Variants in ANKRD30B observed in about 807,000 individuals in gnomAD.
The protein encoded by ANKRD30B is ankyrin repeat domain-containing protein 30B.
A neutral mutation model predicts 202.2 loss-of-function variants in ANKRD30B; 144 were observed. The ratio of observed to expected loss-of-function variants is 0.71; its 90% confidence interval spans 0.62 to 0.82. The LOEUF (loss-of-function observed/expected upper bound fraction) is 0.82. Ranked by LOEUF, ANKRD30B falls within the 40% of genes least tolerant of loss-of-function variation. The pLI, the probability that ANKRD30B is intolerant of heterozygous loss-of-function variation, is 0.00. For synonymous variants in ANKRD30B, 508 were observed against 561.3 expected (o/e 0.91, Z 1.34); for missense variants, 1,487 against 1,669.1 (o/e 0.89, Z 1.90).
chr18:14,756,201 T>C (rs1186277551), intron 4 of ANKRD30B, among the ~76,000 whole-genome samples: 1 of 152,246 alleles, frequency 6.6e-6, no homozygotes. Flanking sequence ...ATAAATGTCT[T>C]CTTTTGAGAA....
At chr18:14,810,363 A>C (rs2144057918) in intron 28 of ANKRD30B, among the ~76,000 whole-genome samples, 183 bp downstream of exon 28, 1 of 151,454 alleles carries the variant, frequency 6.6e-6, no homozygotes, top group African/African-American at 2.4e-5. Context: ...AGAATTAGGG[A>C]TTTAGAAAAA....
chr18:14,759,901 A>G (rs1380113948), intron 5 of ANKRD30B, among the ~76,000 whole-genome samples: 1 of 151,986 alleles, frequency 6.6e-6, no homozygotes, highest in African/African-American at 2.4e-5. Context: ...CACTTTTTTT[A>G]AAAAAATTAA....
At chr18:14,796,311 G>A (rs746298838) in intron 17 of ANKRD30B, 32 bp from the exon 18 acceptor site, 4 of 1,608,508 alleles carry the variant, frequency 2.5e-6, no homozygotes, top group South Asian at 2.2e-5. Flanking sequence ...CATATATTAT[G>A]TATTAATTTT....
intron 3 of ANKRD30B, 137 bp from the exon 4 acceptor site, chr18:14,754,762 A>G (rs1914060533): frequency 1.8e-6 from 1 of 542,174 alleles, no homozygotes; most frequent in Non-Finnish European, 3.0e-6. Context: ...GAAAAAGGAG[A>G]AAGAAGGGAC....
chr18:14,825,417 T>C (rs547124546), intron 32 of ANKRD30B, among the ~76,000 whole-genome samples: 57 of 152,258 alleles, frequency 3.7e-4, no homozygotes, highest in African/African-American at 1.3e-3. Context: ...TAAACATCAC[T>C]AGAGGGTAAT....
At position 14,852,418 on chromosome 18, in the gene ANKRD30B, G is replaced by A; in HGVS notation, c.4474G>A (p.Glu1492Lys). The part of the protein sequence containing the change: ...DQYEKEKAER[E>K]VIVRQLQKKL... Reference sequence around the variant, plus strand: ...ATATGAAAAAGAGAAAGCAGAAAGAGAAGTAAGTATCAAAAAATATAAATA... The same window carrying A: ...ATATGAAAAAGAGAAAGCAGAAAGAAAAGTAAGTATCAAAAAATATAAATA... Residue 1492 changes from glutamate (E) to lysine (K), a missense_variant and splice_region_variant, in exon 42 of 44, where the codon GAA becomes AAA. By Grantham distance (56) the Glu-to-Lys change is moderately conservative. Transcript: ENST00000690538. 6.6e-7 allele frequency: 1 copy of A among 1,515,544 alleles called. No homozygotes were observed. Among genetic ancestry groups the A allele is most frequent in the East Asian group, 2.5e-5 (1 of 40,710 alleles). 93.9% of individuals were successfully genotyped at this position (1,515,544 alleles called of 1,614,324 possible). A position where few individuals can be genotyped will look rare whatever the true frequency, so the allele number is the denominator to read the frequency against.
chr18:14,767,459 G>A (rs1916421065), intron 7 of ANKRD30B, among the ~76,000 whole-genome samples: 1 of 152,186 alleles, frequency 6.6e-6, no homozygotes, highest in Admixed American at 6.5e-5. Flanking sequence ...AAAGTTAGGT[G>A]AATACGGTCT....
At chr18:14,919,629 C>T in the ANKRD30B span, among the ~76,000 whole-genome samples, 1 of 152,188 alleles carries the variant, frequency 6.6e-6, no homozygotes, top group Non-Finnish European at 1.5e-5. Flanking sequence ...AGTGTTTTCA[C>T]TAACTGCCAT....
chr18:14,829,803 G>A (rs1243577677), intron 33 of ANKRD30B, among the ~76,000 whole-genome samples: 1 of 152,190 alleles, frequency 6.6e-6, no homozygotes, highest in Non-Finnish European at 1.5e-5. Context: ...GAATAGAAAT[G>A]TCCTATTCTG....
At chr18:14,807,290 A>G (rs1234021028) in intron 24 of ANKRD30B, among the ~76,000 whole-genome samples, 1 of 150,958 alleles carries the variant, frequency 6.6e-6, no homozygotes, top group Non-Finnish European at 1.5e-5. Flanking sequence ...TGTCAAAGAA[A>G]TGTCTGTTTT....
intron 4 of ANKRD30B, among the ~76,000 whole-genome samples, chr18:14,756,427 T>G (rs1914377631): frequency 6.6e-6 from 1 of 152,216 alleles, no homozygotes; most frequent in Admixed American, 6.5e-5. Context: ...CATTTGTCAA[T>G]TTTGGCTTTT....
the ANKRD30B span, among the ~76,000 whole-genome samples, chr18:14,918,203 G>A: frequency 0.021 from 3,156 of 152,180 alleles, 104 homozygotes; most frequent in African/African-American, 0.072. Context: ...GGAAGACTCA[G>A]CAGTTTTGTT....
At chr18:14,870,237 C>T in the ANKRD30B span, among the ~76,000 whole-genome samples, 2 of 152,226 alleles carry the variant, frequency 1.3e-5, no homozygotes, top group African/African-American at 4.8e-5. Flanking sequence ...GCCATGGCCT[C>T]CCAAAGTGCT....
chr18:14,821,542 C>G (rs938690294), intron 30 of ANKRD30B, among the ~76,000 whole-genome samples: 3 of 152,314 alleles, frequency 2.0e-5, no homozygotes, highest in South Asian at 4.1e-4. Flanking sequence ...ACTGCCACCT[C>G]CGCCTCCTGG....
the ANKRD30B span, among the ~76,000 whole-genome samples, chr18:14,900,273 C>A: frequency 0.56 from 84,412 of 151,834 alleles, 24,082 homozygotes; most frequent in African/African-American, 0.69. Context: ...TACCCAAAAA[C>A]TTAGATACTC....
chr18:14,876,542 C>G, the ANKRD30B span, among the ~76,000 whole-genome samples: 1 of 152,160 alleles, frequency 6.6e-6, no homozygotes, highest in African/African-American at 2.4e-5. Flanking sequence ...GTCCTTCTCT[C>G]TTGGGTTGTA....
At position 14,748,257 on chromosome 18, in the gene ANKRD30B, A is replaced by C; in HGVS notation, c.-163A>C. The C allele has an allele frequency of 1.3e-5, 7 of 556,506 alleles. No individual in the cohort carries two copies. Among genetic ancestry groups the C allele is most frequent in the East Asian group, 3.0e-5 (1 of 33,168 alleles). The allele number at this position is 556,506 out of a possible 1,614,324, so 34.5% of individuals were successfully genotyped here. A position where few individuals can be genotyped will look rare whatever the true frequency, so the allele number is the denominator to read the frequency against. On this transcript the variant is annotated 5_prime_UTR_variant, in exon 1 of 44. Transcript: ENST00000690538. ...GGAGTGTTCAAGAGCTTGGCGATAC[A>C]GAAATTTCTGCTGGTGTTGGGGCGG...
At chr18:14,916,385 T>C in the ANKRD30B span, among the ~76,000 whole-genome samples, 1 of 152,232 alleles carries the variant, frequency 6.6e-6, no homozygotes, top group Non-Finnish European at 1.5e-5. Flanking sequence ...TACCAAGTAC[T>C]GAGCCTTGAG....
At chr18:14,843,947 T>C (rs1474658060) in intron 39 of ANKRD30B, among the ~76,000 whole-genome samples, 1 of 152,268 alleles carries the variant, frequency 6.6e-6, no homozygotes, top group Non-Finnish European at 1.5e-5. Flanking sequence ...TGGTTTTTTA[T>C]ATTATTCCTA....
Sources: allele counts gnomAD v4.1 joint callset (sites outside exome capture counted in the v4.1 genomes callset), GRCh38; gene constraint gnomAD v4.1.1; transcripts MANE v1.5; gene names NCBI Gene and HGNC (gene_info 2026-07-23, HGNC 2026-07-21).